The following MACROD2 variants were observed in gnomAD, a reference collection of about 807,000 sequenced individuals.
MACROD2 encodes ADP-ribose glycohydrolase MACROD2.
A neutral mutation model predicts 70.4 loss-of-function variants in MACROD2; 36 were observed. That is an observed-to-expected ratio of 0.51 (90% confidence interval 0.39 to 0.68). The LOEUF (loss-of-function observed/expected upper bound fraction) is 0.68, where lower values mean the gene tolerates loss of function less well. Ranked by LOEUF, MACROD2 falls within the 30% of genes least tolerant of loss-of-function variation. MACROD2 has a pLI of 0.00. For missense variants in MACROD2, 496 were observed against 538.4 expected (o/e 0.92, Z 0.78); for synonymous variants, 172 against 178.8 (o/e 0.96, Z 0.30).
chr20:14,971,263 A>G (rs1373330222), intron 5 of MACROD2, among the ~76,000 whole-genome samples: 2 of 152,044 alleles, frequency 1.3e-5, no homozygotes, highest in African/African-American at 4.8e-5. Context: ...AATATTTTTG[A>G]TGGGTAACCG....
intron 2 of MACROD2, among the ~76,000 whole-genome samples, chr20:14,011,427 C>G (rs1346360197): frequency 6.6e-6 from 1 of 152,046 alleles, no homozygotes; most frequent in East Asian, 1.9e-4. Flanking sequence ...GCTTGCATCT[C>G]TTCCTTAATA....
At position 14,774,060 on chromosome 20, in the gene MACROD2, G is replaced by T. The variant is rs541771834; in HGVS notation, c.418+89101G>T. On this transcript the variant is annotated intron_variant, in intron 5 of 17. Transcript: ENST00000684519. Reference sequence around the variant, plus strand: ...ATAATATACATTTACTTGATTACTGGTGTTTTTATCCCAAAGTTACAGTTC... The same window carrying T: ...ATAATATACATTTACTTGATTACTGTTGTTTTTATCCCAAAGTTACAGTTC... 5.3e-5 allele frequency among the ~76,000 whole-genome samples: 8 copies of T among 151,926 alleles called. No homozygotes were observed. The South Asian group carries it at 1.7e-3, about 32-fold the overall frequency.
chr20:14,043,687 G>T (rs771537218), intron 2 of MACROD2, among the ~76,000 whole-genome samples: 13 of 152,184 alleles, frequency 8.5e-5, no homozygotes, highest in Non-Finnish European at 1.8e-4. Flanking sequence ...CTTCTGAAAT[G>T]GGTGTCTTAT....
chr20:14,390,196 G>T (rs1209888256), intron 3 of MACROD2, among the ~76,000 whole-genome samples: 1 of 152,122 alleles, frequency 6.6e-6, no homozygotes, highest in Non-Finnish European at 1.5e-5. Flanking sequence ...CTAGGGAGTT[G>T]AAATATCTCT....
intron 3 of MACROD2, among the ~76,000 whole-genome samples, chr20:14,423,381 TG>T (rs1157076611): frequency 2.1e-5 from 3 of 146,188 alleles, no homozygotes; most frequent in African/African-American, 7.6e-5. Flanking sequence ...TTCTGGGGGA[TG>T]GGGGCAGGCG....
At chr20:14,648,362 C>T (rs1173920820) in intron 4 of MACROD2, among the ~76,000 whole-genome samples, 1 of 152,128 alleles carries the variant, frequency 6.6e-6, no homozygotes, top group Non-Finnish European at 1.5e-5. Flanking sequence ...ATAGGACTCA[C>T]TAACTGAAAG....
chr20:14,845,042 G>T (rs1334479201), intron 5 of MACROD2, among the ~76,000 whole-genome samples: 1 of 152,094 alleles, frequency 6.6e-6, no homozygotes, highest in African/African-American at 2.4e-5. Flanking sequence ...TCTAGCTCAT[G>T]TAATGGTAAT....
chr20:14,375,983 AT>A (rs771391128), intron 3 of MACROD2, among the ~76,000 whole-genome samples: 6 of 152,162 alleles, frequency 3.9e-5, no homozygotes, highest in Non-Finnish European at 5.9e-5. Context: ...AAGAAAAATG[AT>A]TTTATTCTAA....
intron 3 of MACROD2, among the ~76,000 whole-genome samples, chr20:14,272,015 T>G (rs1252461958): frequency 1.3e-5 from 2 of 152,068 alleles, no homozygotes; most frequent in Non-Finnish European, 2.9e-5. Context: ...AATCTACATC[T>G]GATTGGTGTA....
intron 15 of MACROD2, among the ~76,000 whole-genome samples, chr20:16,026,855 GCTTTGACTT>G (rs2147570065): frequency 6.6e-6 from 1 of 152,272 alleles, no homozygotes; most frequent in African/African-American, 2.4e-5. Context: ...CTCACAGGTA[GCTTTGACTT>G]CTCCTTAGCC....
At chr20:15,679,606 C>G (rs560959149) in intron 8 of MACROD2, among the ~76,000 whole-genome samples, 1 of 152,332 alleles carries the variant, frequency 6.6e-6, no homozygotes, top group Non-Finnish European at 1.5e-5. Context: ...TGATTTAGCA[C>G]TCTCAGAGCT....
intron 7 of MACROD2, among the ~76,000 whole-genome samples, chr20:15,440,146 G>C (rs117990379): frequency 8.5e-5 from 13 of 152,204 alleles, no homozygotes; most frequent in African/African-American, 3.1e-4. Flanking sequence ...AACAGAAATC[G>C]ACTCCTGGCT....
chr20:15,938,737 T>G (rs1054807841), intron 12 of MACROD2, among the ~76,000 whole-genome samples: 1 of 152,162 alleles, frequency 6.6e-6, no homozygotes, highest in Admixed American at 6.5e-5. Flanking sequence ...GCTAGCTATG[T>G]TTAAGCTTAA....
chr20:14,607,407 A>G (rs1434233329), intron 4 of MACROD2, among the ~76,000 whole-genome samples: 1 of 152,176 alleles, frequency 6.6e-6, no homozygotes, highest in Non-Finnish European at 1.5e-5. Flanking sequence ...TTGTATTAGC[A>G]TAGGGAGGTA....
At chr20:14,333,296 G>A (rs541172359) in intron 3 of MACROD2, among the ~76,000 whole-genome samples, 28 of 151,918 alleles carry the variant, frequency 1.8e-4, no homozygotes, top group Admixed American at 3.9e-4. Context: ...TATTTTCCCC[G>A]GTACGTTTCT....
At chr20:15,827,349 TA>T (rs1206275875) in intron 8 of MACROD2, among the ~76,000 whole-genome samples, 1 of 152,194 alleles carries the variant, frequency 6.6e-6, no homozygotes, top group African/African-American at 2.4e-5. Context: ...AAAGGATTAT[TA>T]AATACCTCAG....
chr20:14,310,022 G>T (rs546810044), intron 3 of MACROD2, among the ~76,000 whole-genome samples: 2 of 152,040 alleles, frequency 1.3e-5, no homozygotes, highest in Non-Finnish European at 2.9e-5. Context: ...GTGTGAGCAT[G>T]GGGGCTTGCT....
intron 5 of MACROD2, among the ~76,000 whole-genome samples, chr20:14,852,943 A>G (rs1600725898): frequency 6.6e-6 from 1 of 152,134 alleles, no homozygotes; most frequent in African/African-American, 2.4e-5. Context: ...CTCAAGAAAC[A>G]TAATCTCTTT....
chr20:14,083,525 G>A (rs2148667927), intron 2 of MACROD2, among the ~76,000 whole-genome samples: 1 of 152,238 alleles, frequency 6.6e-6, no homozygotes, highest in East Asian at 1.9e-4. Flanking sequence ...GATGCATGGA[G>A]AGAATAATTT....
Sources: gnomAD v4.1 joint callset for allele counts (sites outside exome capture counted in the v4.1 genomes callset) on GRCh38, gnomAD v4.1.1 for gene constraint, MANE v1.5 for transcripts, NCBI Gene and HGNC (gene_info 2026-07-23, HGNC 2026-07-21) for gene names.